OTUD7A: variants seen among roughly 807,000 people sequenced by gnomAD.
The protein encoded by OTUD7A is OTU deubiquitinase 7A, also known as OTU domain-containing protein 7A.
A neutral mutation model predicts 65.7 loss-of-function variants in OTUD7A; 12 were observed. That is an observed-to-expected ratio of 0.18 (90% CI 0.12 to 0.30). The LOEUF is 0.30. OTUD7A is among the 10% of genes least tolerant of loss of function. OTUD7A has a pLI of 1.00. For synonymous variants in OTUD7A, 641 were observed against 586.3 expected (o/e 1.09, Z -1.35); for missense variants, 1,148 against 1,304.8 (o/e 0.88, Z 1.85).
chr15:31,860,673 G>A (rs1456938526), intron 1 of OTUD7A, among the ~76,000 whole-genome samples: 2 of 13,308 alleles, frequency 1.5e-4, no homozygotes, highest in Non-Finnish European at 6.4e-4. Context: ...ATAGATGTAT[G>A]TGTGTATATA....
intron 3 of OTUD7A, 135 bp downstream of exon 3, chr15:31,654,961 A>G (rs1355062446): frequency 9.6e-6 from 10 of 1,036,912 alleles, no homozygotes; most frequent in Admixed American, 7.0e-5. Context: ...TTTTGACTTA[A>G]TATCGGTAAG....
rs137929833 is a variant in OTUD7A, at chr15:31,858,358, G to A, written c.-100+12149C>T. ...TGCCTCTTGCTGTGCAGTGTGGCTA[G>A]CATGGAAGGCTTCGTTCAAAGATCC... On this transcript the variant is annotated intron_variant, in intron 1 of 12. Coordinates refer to ENST00000307050, the MANE Select transcript of OTUD7A (RefSeq NM_001382637.1). Among the ~76,000 whole-genome samples, 450 of 152,316 alleles carry A rather than the reference G, an allele frequency of 3.0e-3. 3 individuals carry two copies. The highest frequency in any genetic ancestry group is 0.01 in the African/African-American group (421 of 41,558).
intron 1 of OTUD7A, among the ~76,000 whole-genome samples, chr15:31,817,696 T>C (rs1030920124): frequency 6.6e-6 from 1 of 152,138 alleles, no homozygotes; most frequent in East Asian, 1.9e-4. Context: ...CTGTGTCACC[T>C]CTCAGGCCAA....
At chr15:31,727,187 C>A (rs1253378755) in intron 1 of OTUD7A, among the ~76,000 whole-genome samples, 4 of 152,196 alleles carry the variant, frequency 2.6e-5, no homozygotes, top group Non-Finnish European at 4.4e-5. Context: ...GCCTGGTATC[C>A]CATACTCCAA....
intron 1 of OTUD7A, among the ~76,000 whole-genome samples, chr15:31,756,450 A>G (rs1048110461): frequency 6.6e-6 from 1 of 152,206 alleles, no homozygotes; most frequent in Non-Finnish European, 1.5e-5. Flanking sequence ...GTCCCAGAGA[A>G]GGCCATAAAG....
intron 10 of OTUD7A, among the ~76,000 whole-genome samples, chr15:31,494,714 G>GTCTC (rs1434222275): frequency 3.3e-5 from 5 of 152,194 alleles, no homozygotes; most frequent in Non-Finnish European, 7.3e-5. Flanking sequence ...GACAACTGGG[G>GTCTC]TCTCCTCAGA....
intron 3 of OTUD7A, among the ~76,000 whole-genome samples, chr15:31,636,891 G>T (rs1891358455): frequency 1.3e-5 from 2 of 152,212 alleles, no homozygotes; most frequent in Non-Finnish European, 2.9e-5. Flanking sequence ...GAGGCTAAGA[G>T]AGGTGAGGAA....
intron 3 of OTUD7A, among the ~76,000 whole-genome samples, chr15:31,614,733 G>A (rs987877565): frequency 1.3e-5 from 2 of 152,106 alleles, no homozygotes; most frequent in African/African-American, 2.4e-5. Flanking sequence ...GAAGCTCAGA[G>A]CTACAGGAAA....
rs3075495 is a variant in OTUD7A, at chr15:31,561,784, T to TCACACACACACACACA, written c.332-2613_332-2598dup. 7.6e-4 allele frequency among the ~76,000 whole-genome samples: 115 copies of TCACACACACACACACA among 150,526 alleles called. 1 individual carries two copies. In the Middle Eastern group the frequency reaches 0.01, roughly 13 times the overall value. Reference sequence around the variant, plus strand: ...TCATCTCTCTCACACACACACAGAGTCACACACACACACACACATTCACAC... The same window carrying TCACACACACACACACA: ...TCATCTCTCTCACACACACACAGAGTCACACACACACACACACACACACACACACACACATTCACAC... On this transcript the variant is annotated intron_variant, in intron 4 of 12. Coordinates refer to ENST00000307050, the MANE Select transcript of OTUD7A (RefSeq NM_001382637.1).
intron 8 of OTUD7A, among the ~76,000 whole-genome samples, chr15:31,518,060 C>T (rs1205753640): frequency 6.6e-6 from 1 of 152,284 alleles, no homozygotes; most frequent in East Asian, 1.9e-4. Context: ...CCTGTTCACA[C>T]ATCCCAAGTG....
At position 31,496,702 on chromosome 15, in the gene OTUD7A, G is replaced by A. The variant is rs142441979; in HGVS notation, c.1171+4988C>T. On this transcript the variant is annotated intron_variant, in intron 10 of 12. Transcript: ENST00000307050. ...ATTGAAAACTGGAATGTTACATTCCGTGTGGCTTGGGGAATAGTAGAGCAT... is the reference window on the plus strand; with the variant it reads ...ATTGAAAACTGGAATGTTACATTCCATGTGGCTTGGGGAATAGTAGAGCAT... 5.1e-3 allele frequency among the ~76,000 whole-genome samples: 770 copies of A among 152,254 alleles called. 3 individuals are homozygous for A. Among genetic ancestry groups the A allele is most frequent in the Middle Eastern group, 0.014 (4 of 294 alleles).
intron 10 of OTUD7A, among the ~76,000 whole-genome samples, chr15:31,497,836 T>A (rs1026479116): frequency 1.1e-4 from 16 of 152,150 alleles, no homozygotes; most frequent in African/African-American, 2.4e-4. Flanking sequence ...CTTTCTCAAT[T>A]TCCCCCTCTG....
intron 1 of OTUD7A, among the ~76,000 whole-genome samples, chr15:31,820,656 T>C (rs919921147): frequency 6.6e-6 from 1 of 152,346 alleles, no homozygotes; most frequent in Middle Eastern, 3.4e-3. Flanking sequence ...TGTGCTCTTA[T>C]AACAGGTCCC....
chr15:31,840,363 G>A (rs560090030), intron 1 of OTUD7A, among the ~76,000 whole-genome samples: 2 of 152,082 alleles, frequency 1.3e-5, no homozygotes, highest in Non-Finnish European at 2.9e-5. Flanking sequence ...ATTTGAACCC[G>A]GGAGGTGGAG....
chr15:31,665,983 T>TC (rs1388179522), intron 1 of OTUD7A, among the ~76,000 whole-genome samples: 1 of 152,064 alleles, frequency 6.6e-6, no homozygotes, highest in African/African-American at 2.4e-5. Flanking sequence ...TGTGAAATCA[T>TC]CCCTTCATCC....
chr15:31,729,805 C>A (rs1465755479), intron 1 of OTUD7A, among the ~76,000 whole-genome samples: 5 of 152,170 alleles, frequency 3.3e-5, no homozygotes, highest in Non-Finnish European at 7.3e-5. Flanking sequence ...TGTCAGATTT[C>A]TTAACCTTCC....
intron 1 of OTUD7A, among the ~76,000 whole-genome samples, chr15:31,818,869 G>C (rs1896614006): frequency 6.6e-6 from 1 of 152,200 alleles, no homozygotes; most frequent in African/African-American, 2.4e-5. Flanking sequence ...CATGGGATGG[G>C]TGGAGAGTTT....
chr15:31,584,056 A>T (rs1889453301), intron 3 of OTUD7A, among the ~76,000 whole-genome samples: 2 of 152,174 alleles, frequency 1.3e-5, no homozygotes, highest in Admixed American at 1.3e-4. Flanking sequence ...ATAGATTGAC[A>T]ACTCTGATGA....
At chr15:31,503,443 T>C (rs909091055) in intron 9 of OTUD7A, among the ~76,000 whole-genome samples, 9 of 152,206 alleles carry the variant, frequency 5.9e-5, no homozygotes, top group African/African-American at 2.2e-4. Flanking sequence ...GGAGCCCCTC[T>C]GGGCTTGGTC....
Sources: gnomAD v4.1 joint callset for allele counts (sites outside exome capture counted in the v4.1 genomes callset) on GRCh38, gnomAD v4.1.1 for gene constraint, MANE v1.5 for transcripts, NCBI Gene and HGNC (gene_info 2026-07-23, HGNC 2026-07-21) for gene names.